The following PHACTR4 variants were observed in gnomAD, a reference collection of about 807,000 sequenced individuals.
PHACTR4 encodes the protein protein phosphatase 1, regulatory subunit 124.
Under a neutral mutation model 72.7 loss-of-function variants are expected in PHACTR4, and 51 were observed. The observed-to-expected ratio is 0.70, with a 90% CI of 0.56 to 0.89. The LOEUF is 0.89. PHACTR4 is among the 40% of genes least tolerant of loss of function. The pLI, the probability that PHACTR4 is intolerant of heterozygous loss-of-function variation, is 0.00. For synonymous variants in PHACTR4, 255 were observed against 302.5 expected, an observed-to-expected ratio of 0.84 and a Z score of 1.63; for missense variants, 731 against 861.8, an observed-to-expected ratio of 0.85 and a Z score of 1.90.
chr1:28,487,816 A>G (rs1204686153), intron 9 of PHACTR4, among the ~76,000 whole-genome samples: 3 of 135,058 alleles, frequency 2.2e-5, no homozygotes, highest in Non-Finnish European at 4.6e-5. Flanking sequence ...AGCTCACTGC[A>G]ACCTCCATCT....
At chr1:28,461,653 T>C (rs1658815246) in intron 4 of PHACTR4, among the ~76,000 whole-genome samples, 1 of 152,084 alleles carries the variant, frequency 6.6e-6, no homozygotes, top group Admixed American at 6.6e-5. Flanking sequence ...TTATTACAAT[T>C]GGTTACCTCT....
intron 2 of PHACTR4, among the ~76,000 whole-genome samples, chr1:28,440,393 TC>T (rs201195551): frequency 1.9e-5 from 2 of 106,184 alleles, no homozygotes; most frequent in Non-Finnish European, 3.9e-5. Context: ...ATTCATCAAT[TC>T]TTTTTTTTTT....
chr1:28,372,672 T>TA (rs1651334270), intron 1 of PHACTR4, among the ~76,000 whole-genome samples: 1 of 151,726 alleles, frequency 6.6e-6, no homozygotes, highest in African/African-American at 2.4e-5. Context: ...GCCAACATGG[T>TA]AAAATCCCAT....
intron 9 of PHACTR4, among the ~76,000 whole-genome samples, chr1:28,485,788 A>G (rs895808883): frequency 2.7e-5 from 4 of 149,590 alleles, no homozygotes; most frequent in Non-Finnish European, 5.9e-5. Flanking sequence ...AATCCCAGCT[A>G]CTCAGGAGGC....
rs753670222 is a variant in PHACTR4, at chr1:28,466,757, A to G, written c.812A>G (p.Asn271Ser). The G allele has an allele frequency of 3.7e-6, 6 of 1,609,628 alleles. No individual in the cohort carries two copies. The African/African-American group carries it at 8.0e-5, about 22-fold the overall frequency. Reference protein sequence around the residue: ...PPPKPAHRNSNPVIAELSQAI... With the variant: ...PPPKPAHRNSSPVIAELSQAI... The stretch of plus-strand genomic sequence containing the variant: ...CCTAAACCAGCTCACAGAAATAGCA[A>G]CCCTGTCATTGGTAAGTAAGTCTTT... The change falls in exon 6 of 14, where the codon AAC becomes AGC. Residue 271 changes from asparagine (N) to serine (S), a missense_variant. Transcript: ENST00000373839.
intron 1 of PHACTR4, among the ~76,000 whole-genome samples, chr1:28,378,228 G>A (rs1185345574): frequency 7.2e-5 from 8 of 111,228 alleles, no homozygotes; most frequent in African/African-American, 2.4e-4. Flanking sequence ...TTGGCCAGGC[G>A]CAGTGGCTCA....
intron 11 of PHACTR4, 108 bp from the exon 12 acceptor site, chr1:28,491,542 C>T (rs1032024245): frequency 2.7e-6 from 4 of 1,456,492 alleles, no homozygotes; most frequent in Non-Finnish European, 3.8e-6. Flanking sequence ...TCTAAAGCTC[C>T]CCCAGGTGAT....
At chr1:28,495,342 A>C (rs1028214505) in intron 13 of PHACTR4, among the ~76,000 whole-genome samples, 1 of 151,974 alleles carries the variant, frequency 6.6e-6, no homozygotes, top group Non-Finnish European at 1.5e-5. Context: ...TCCTGGCCTC[A>C]AGTGATCCTC....
chr1:28,394,741 CAT>C, intron 1 of PHACTR4, among the ~76,000 whole-genome samples: 1 of 151,726 alleles, frequency 6.6e-6, no homozygotes, highest in Non-Finnish European at 1.5e-5. Flanking sequence ...GGATTACAGG[CAT>C]GTGCCACCAC....
chr1:28,457,018 A>G (rs948226883), intron 2 of PHACTR4, among the ~76,000 whole-genome samples: 2 of 152,210 alleles, frequency 1.3e-5, no homozygotes, highest in Non-Finnish European at 2.9e-5. Context: ...TGTATAAGTC[A>G]TGCAACTAGG....
intron 2 of PHACTR4, among the ~76,000 whole-genome samples, chr1:28,434,160 T>C (rs935855364): frequency 6.6e-6 from 1 of 152,192 alleles, no homozygotes; most frequent in Non-Finnish European, 1.5e-5. Flanking sequence ...TAAAAATTCT[T>C]GGCCATTTAT....
At chr1:28,433,073 T>C (rs1369695237) in intron 2 of PHACTR4, 18 of 985,174 alleles carry the variant, frequency 1.8e-5, no homozygotes, top group Non-Finnish European at 2.0e-5. Context: ...CTAAGTAAAA[T>C]AGGAAGAGAA....
intron 2 of PHACTR4, among the ~76,000 whole-genome samples, chr1:28,447,459 G>A (rs545728680): frequency 6.7e-6 from 1 of 148,220 alleles, no homozygotes; most frequent in African/African-American, 2.5e-5. Flanking sequence ...GCACGATCTC[G>A]ACTTACTACA....
At position 28,493,077 on chromosome 1, in the gene PHACTR4, CA is replaced by C. The variant is rs1442640732; in HGVS notation, c.2082del (p.Lys694AsnfsTer14). 6.2e-7 allele frequency: 1 copy of C among 1,612,580 alleles called. No individual in the cohort carries two copies. The highest frequency in any genetic ancestry group is 8.5e-7 in the Non-Finnish European group (1 of 1,178,696). On this transcript the variant is annotated frameshift_variant, in exon 13 of 14. Transcript: ENST00000373839. LOFTEE classifies it high-confidence loss of function. The part of the protein sequence containing the change: ...SSEMEVHEES[K>X]HFTRYHRP The stretch of plus-strand genomic sequence containing the variant: ...CCGAGATGGAGGTTCATGAAGAGAG[CA>C]AACATTTTACACGGTAAGACCCAAA...
At chr1:28,376,141 T>C (rs967950667) in intron 1 of PHACTR4, among the ~76,000 whole-genome samples, 4 of 151,928 alleles carry the variant, frequency 2.6e-5, no homozygotes, top group South Asian at 2.1e-4. Flanking sequence ...AACCAAATTA[T>C]GTAGACCTTT....
chr1:28,489,592 G>A (rs1291662542), intron 10 of PHACTR4, among the ~76,000 whole-genome samples: 1 of 152,194 alleles, frequency 6.6e-6, no homozygotes, highest in Non-Finnish European at 1.5e-5. Context: ...TTCCTAGAAT[G>A]TGAGGGCTGG....
At chr1:28,435,051 G>T (rs34589395) in intron 2 of PHACTR4, among the ~76,000 whole-genome samples, 42,746 of 151,878 alleles carry the variant, frequency 0.28, 6,174 homozygotes, top group Middle Eastern at 0.34. Flanking sequence ...TTTTATCTGG[G>T]TCCTTCCATT....
rs1211611077 is a variant in PHACTR4, at chr1:28,480,712, A to G, written c.1760+108A>G. 9 of 1,438,218 alleles carry G rather than the reference A, an allele frequency of 6.3e-6. No homozygotes were observed. In the Admixed American group the frequency reaches 1.4e-4, roughly 23 times the overall value. The allele number at this position is 1,438,218 out of a possible 1,614,324, so 89.1% of individuals were successfully genotyped here. ...TGTGTGTTTTGTTTCGTTTTCTGAG[A>G]CAGGGTCTTGCTCTGTCACCCAGGC... On this transcript the variant is annotated intron_variant, in intron 9 of 13. Transcript: ENST00000373839.
At chr1:28,446,835 G>A (rs1423438830) in intron 2 of PHACTR4, among the ~76,000 whole-genome samples, 1 of 151,910 alleles carries the variant, frequency 6.6e-6, no homozygotes, top group Non-Finnish European at 1.5e-5. Flanking sequence ...CCTGTTCTGG[G>A]CCATGTGACG....
Sources: allele counts gnomAD v4.1 joint callset (sites outside exome capture counted in the v4.1 genomes callset), GRCh38; gene constraint gnomAD v4.1.1; transcripts MANE v1.5; gene names NCBI Gene and HGNC (gene_info 2026-07-23, HGNC 2026-07-21).